NEGR1: variants seen among roughly 807,000 people sequenced by gnomAD.
NEGR1 encodes the protein neuronal growth regulator 1.
In NEGR1, 10 loss-of-function variants were observed where a neutral mutation model predicts 40.9. The ratio of observed to expected loss-of-function variants is 0.24; its 90% CI spans 0.15 to 0.42. The LOEUF (loss-of-function observed/expected upper bound fraction) is 0.42. NEGR1 is among the 10% of genes least tolerant of loss of function. NEGR1 has a pLI of 1.00. For missense variants in NEGR1, 352 were observed against 438.9 expected, an observed-to-expected ratio of 0.80 and a Z score of 1.77; for synonymous variants, 185 against 166.8, an observed-to-expected ratio of 1.11 and a Z score of -0.84.
intron 3 of NEGR1, among the ~76,000 whole-genome samples, chr1:71,730,829 C>A (rs1654836557): frequency 1.3e-5 from 2 of 151,360 alleles, no homozygotes; most frequent in South Asian, 4.2e-4. Context: ...TCTTGAGACA[C>A]CCCTACAGTT....
intron 1 of NEGR1, among the ~76,000 whole-genome samples, chr1:72,212,180 T>C (rs1653633001): frequency 6.6e-6 from 1 of 151,974 alleles, no homozygotes; most frequent in African/African-American, 2.4e-5. Flanking sequence ...GTTTAGAATT[T>C]TGCAGAAAAA....
At position 71,776,307 on chromosome 1, in the gene NEGR1, C is replaced by A. The variant is rs766507614; in HGVS notation, c.410-10G>T. ...TATATCTTAGGAGGAACTGAAATGA[C>A]AAAATACGCAGTGATTAGAAAAAAA... On this transcript the variant is annotated splice_polypyrimidine_tract_variant and intron_variant, in intron 2 of 6. Coordinates refer to ENST00000357731, the MANE Select transcript of NEGR1 (RefSeq NM_173808.3). The A allele has an allele frequency of 2.6e-5, 39 of 1,529,258 alleles. No individual in the cohort carries two copies. The highest frequency in any genetic ancestry group is 3.3e-5 in the Non-Finnish European group (37 of 1,126,638). 94.7% of individuals were successfully genotyped at this position (1,529,258 alleles called of 1,614,324 possible). A position where few individuals can be genotyped will look rare whatever the true frequency, so the allele number is the denominator to read the frequency against.
intron 2 of NEGR1, among the ~76,000 whole-genome samples, chr1:71,882,636 C>T (rs1487330500): frequency 2.0e-5 from 3 of 151,366 alleles, no homozygotes; most frequent in Non-Finnish European, 4.4e-5. Flanking sequence ...TTAAAAGGGA[C>T]CTATCTTTAG....
intron 6 of NEGR1, among the ~76,000 whole-genome samples, chr1:71,467,083 A>G (rs532388757): frequency 4.6e-5 from 7 of 152,256 alleles, no homozygotes; most frequent in African/African-American, 1.7e-4. Context: ...TGTTAAAAAC[A>G]TATTCACATA....
intron 3 of NEGR1, among the ~76,000 whole-genome samples, chr1:71,756,416 A>T (rs11485657): frequency 6.6e-6 from 1 of 151,366 alleles, no homozygotes; most frequent in East Asian, 1.9e-4. Context: ...ACAAACAAAA[A>T]AAAAAAACCA....
At chr1:71,682,122 C>G (rs1652859576) in intron 4 of NEGR1, among the ~76,000 whole-genome samples, 1 of 152,194 alleles carries the variant, frequency 6.6e-6, no homozygotes, top group Non-Finnish European at 1.5e-5. Context: ...CCACCACATC[C>G]AGCCACATTC....
At chr1:72,233,752 C>T (rs776289142) in intron 1 of NEGR1, among the ~76,000 whole-genome samples, 7 of 152,044 alleles carry the variant, frequency 4.6e-5, no homozygotes, top group Non-Finnish European at 8.8e-5. Flanking sequence ...CTTCAATGAC[C>T]ATATAAATGT....
At chr1:71,945,163 T>G (rs963369396) in intron 1 of NEGR1, among the ~76,000 whole-genome samples, 2 of 152,168 alleles carry the variant, frequency 1.3e-5, no homozygotes, top group African/African-American at 4.8e-5. Flanking sequence ...ATCTTTCTTG[T>G]GTACTAGGCC....
intron 4 of NEGR1, among the ~76,000 whole-genome samples, chr1:71,674,099 C>CA (rs1652528482): frequency 6.6e-6 from 1 of 152,100 alleles, no homozygotes; most frequent in East Asian, 1.9e-4. Flanking sequence ...TCTCAAAAGT[C>CA]ATATGCTGGG....
intron 6 of NEGR1, among the ~76,000 whole-genome samples, chr1:71,464,470 G>C (rs1055414017): frequency 1.3e-5 from 2 of 151,974 alleles, no homozygotes; most frequent in Admixed American, 1.3e-4. Context: ...TCTAATTATA[G>C]CTTTATCCAC....
chr1:72,095,871 A>G (rs1648677677), intron 1 of NEGR1, among the ~76,000 whole-genome samples: 1 of 152,088 alleles, frequency 6.6e-6, no homozygotes, highest in African/African-American at 2.4e-5. Flanking sequence ...TTTCCCTCCA[A>G]GCTAGCCAAG....
In NEGR1 at chr1:72,087,751, C is replaced by CTT. The variant is rs1194408394; in HGVS notation, c.177-152442_177-152441dup. Among the ~76,000 whole-genome samples, 724 of 95,042 alleles carry CTT rather than the reference C, an allele frequency of 7.6e-3. 21 individuals carry two copies. The highest frequency in any genetic ancestry group is 0.012 in the East Asian group (43 of 3,472). 62.4% of individuals were successfully genotyped at this position (95,042 alleles called of 152,430 possible). On this transcript the variant is annotated intron_variant, in intron 1 of 6. Transcript: ENST00000357731. ...GGGACAACAGGTGTGTGCCACTGTG[C>CTT]TTTTTTTTTTTTTTTTTTTTTTAAT...
intron 2 of NEGR1, among the ~76,000 whole-genome samples, chr1:71,876,750 G>T (rs1660443505): frequency 6.6e-6 from 1 of 152,102 alleles, no homozygotes; most frequent in Non-Finnish European, 1.5e-5. Context: ...GTCAGGGAGT[G>T]GAAGAAACTG....
In NEGR1 at chr1:71,767,600, G is replaced by A. The variant is rs569414310; in HGVS notation, c.535+8572C>T. Reference sequence around the variant, plus strand: ...TTTGGAAAATTTTCAGCCTTGCTATGTGGTAGGTAGAAAAGTAAAGCCCAT... The same window carrying A: ...TTTGGAAAATTTTCAGCCTTGCTATATGGTAGGTAGAAAAGTAAAGCCCAT... On this transcript the variant is annotated intron_variant, in intron 3 of 6. Transcript: ENST00000357731. 6.4e-4 allele frequency among the ~76,000 whole-genome samples: 98 copies of A among 152,318 alleles called. No homozygotes were observed. The Middle Eastern group carries it at 0.01, about 16-fold the overall frequency.
chr1:71,946,980 T>C (rs958055337), intron 1 of NEGR1, among the ~76,000 whole-genome samples: 1 of 150,086 alleles, frequency 6.7e-6, no homozygotes, highest in African/African-American at 2.4e-5. Context: ...ACTTAGGAGG[T>C]TGAGATGGAA....
rs946368414 is a variant in NEGR1 at position 71,402,867 on chromosome 1, T to A, written c.*4579A>T. 1 of 152,126 alleles carries A rather than the reference T, an allele frequency of 6.6e-6. No homozygotes were observed. Among genetic ancestry groups the A allele is most frequent in the African/African-American group, 2.4e-5 (1 of 41,436 alleles). 9.4% of individuals were successfully genotyped at this position (152,126 alleles called of 1,614,324 possible). ...CTGGTTTTCCATGTCTGATACTTGA[T>A]GTTTCTGTTTCTGTGATGTAATTTA... On this transcript the variant is annotated 3_prime_UTR_variant, in exon 7 of 7. Coordinates refer to ENST00000357731, the MANE Select transcript of NEGR1 (RefSeq NM_173808.3).
chr1:72,263,204 G>T (rs1319849357), intron 1 of NEGR1, among the ~76,000 whole-genome samples: 5 of 151,236 alleles, frequency 3.3e-5, no homozygotes, highest in African/African-American at 9.7e-5. Flanking sequence ...TATTTTCAAA[G>T]AATTCAACTT....
chr1:72,264,839 T>C (rs963517904), intron 1 of NEGR1, among the ~76,000 whole-genome samples: 4 of 150,816 alleles, frequency 2.7e-5, no homozygotes, highest in Non-Finnish European at 6.0e-5. Context: ...AACTACCTTT[T>C]TGAACATAAA....
chr1:71,570,927 T>C (rs1254288655), intron 6 of NEGR1: 4 of 152,212 alleles, frequency 2.6e-5, no homozygotes, highest in Non-Finnish European at 4.4e-5. Flanking sequence ...AAAGGCACCA[T>C]TGACTGATGT....
Sources: allele counts gnomAD v4.1 joint callset (sites outside exome capture counted in the v4.1 genomes callset), GRCh38; gene constraint gnomAD v4.1.1; transcripts MANE v1.5; gene names NCBI Gene and HGNC (gene_info 2026-07-23, HGNC 2026-07-21).